PALLD: variants seen among roughly 807,000 people sequenced by gnomAD.
The protein encoded by PALLD is palladin, cytoskeletal associated protein, also known as palladin.
A neutral mutation model predicts 123.5 loss-of-function variants in PALLD; 61 were observed. The observed-to-expected ratio is 0.49, with a 90% CI of 0.40 to 0.61. The LOEUF (loss-of-function observed/expected upper bound fraction) is 0.61. Among genes scored for constraint, PALLD ranks in the 20% least tolerant of loss-of-function variants. The pLI is 0.00. For synonymous variants in PALLD, 465 were observed against 496.4 expected (o/e 0.94, Z 0.84); for missense variants, 1,273 against 1,377.0 (o/e 0.92, Z 1.20).
rs1474879647 is a variant in PALLD, at chr4:168,705,160, C to A, written c.1502-3868C>A. Among the ~76,000 whole-genome samples the A allele has an allele frequency of 3.3e-5, 5 of 152,154 alleles. No individual in the cohort carries two copies. In the East Asian group the frequency reaches 9.6e-4, roughly 29 times the overall value. ...GAGAAGGAGGGCTTAAAAAACTATA[C>A]CATTGTCATGTGGGCATTAAGAGTG... On this transcript the variant is annotated intron_variant, in intron 8 of 21. Transcript: ENST00000505667.
chr4:168,623,791 A>T (rs1580632683), intron 2 of PALLD, among the ~76,000 whole-genome samples: 1 of 152,372 alleles, frequency 6.6e-6, no homozygotes, highest in Non-Finnish European at 1.5e-5. Flanking sequence ...AGTGAAACTC[A>T]AAATGAGGCT....
At chr4:168,873,161 A>G (rs1340405044) in intron 10 of PALLD, among the ~76,000 whole-genome samples, 1 of 152,236 alleles carries the variant, frequency 6.6e-6, no homozygotes, top group Admixed American at 6.5e-5. Flanking sequence ...AATGGGGTAC[A>G]GAATTGCAGT....
At chr4:168,500,129 C>T (rs1450909100) in intron 1 of PALLD, among the ~76,000 whole-genome samples, 2 of 152,184 alleles carry the variant, frequency 1.3e-5, no homozygotes, top group African/African-American at 4.8e-5. Context: ...ACATCTACTA[C>T]ATGGATTGTT....
intron 15 of PALLD, among the ~76,000 whole-genome samples, chr4:168,912,741 C>T (rs1261400695): frequency 6.6e-6 from 1 of 152,034 alleles, no homozygotes; most frequent in Non-Finnish European, 1.5e-5. Context: ...ACTCAAAATC[C>T]ACTCTTCCAG....
In PALLD at chr4:168,581,187, G is replaced by A. The variant is rs1349499153; in HGVS notation, c.908+68775G>A. ...CTTAGGTTGTTTCCAAATCTTGGCT[G>A]TTGTAGATAACACTACCATGAACGT... On this transcript the variant is annotated intron_variant, in intron 2 of 21. Transcript: ENST00000505667. 2.6e-5 allele frequency among the ~76,000 whole-genome samples: 4 copies of A among 152,120 alleles called. No individual in the cohort carries two copies. The East Asian group carries it at 7.7e-4, about 29-fold the overall frequency.
chr4:168,889,309 G>A (rs751349656), intron 10 of PALLD, among the ~76,000 whole-genome samples: 1 of 151,252 alleles, frequency 6.6e-6, no homozygotes, highest in Non-Finnish European at 1.5e-5. Context: ...GACTACAGGC[G>A]CCCACCACCA....
In PALLD at chr4:168,927,627, A is replaced by C; in HGVS notation, c.*1447A>C. On this transcript the variant is annotated 3_prime_UTR_variant, in exon 22 of 22. Coordinates refer to ENST00000505667, the MANE Select transcript of PALLD (RefSeq NM_001166108.2). Reference sequence around the variant, plus strand: ...CAAAGACACCAAGATGTGGTAAATGAAAATTATTAGTTCACTTCCCTGCTG... The same window carrying C: ...CAAAGACACCAAGATGTGGTAAATGCAAATTATTAGTTCACTTCCCTGCTG... The C allele has an allele frequency of 4.4e-6, 1 of 227,580 alleles. No homozygotes were observed. The highest frequency in any genetic ancestry group is 8.8e-6 in the Non-Finnish European group (1 of 114,270). The allele number at this position is 227,580 out of a possible 1,614,324, so 14.1% of individuals were successfully genotyped here.
At chr4:168,646,113 C>A (rs1777422647) in intron 2 of PALLD, among the ~76,000 whole-genome samples, 1 of 152,192 alleles carries the variant, frequency 6.6e-6, no homozygotes, top group African/African-American at 2.4e-5. Flanking sequence ...GGGATGGCAG[C>A]ATGCAGCATC....
chr4:168,888,405 C>G (rs529105984), intron 10 of PALLD, among the ~76,000 whole-genome samples: 3 of 152,114 alleles, frequency 2.0e-5, no homozygotes, highest in Non-Finnish European at 4.4e-5. Context: ...TAGGGTAGTT[C>G]CATGGTAGGT....
At chr4:168,856,583 T>G (rs1459165073) in intron 10 of PALLD, among the ~76,000 whole-genome samples, 1 of 152,230 alleles carries the variant, frequency 6.6e-6, no homozygotes, top group African/African-American at 2.4e-5. Context: ...GGTTTGCATT[T>G]CTCTGATGAT....
chr4:168,821,595 G>A (rs747841328), intron 10 of PALLD, among the ~76,000 whole-genome samples: 1 of 152,048 alleles, frequency 6.6e-6, no homozygotes, highest in East Asian at 1.9e-4. Flanking sequence ...GAAGTTTTAG[G>A]CCAGGTGCAG....
At chr4:168,544,404 T>G (rs1268761427) in intron 2 of PALLD, among the ~76,000 whole-genome samples, 1 of 152,264 alleles carries the variant, frequency 6.6e-6, no homozygotes, top group Non-Finnish European at 1.5e-5. Context: ...ATGGTCCTGG[T>G]AATTCTTGAG....
chr4:168,804,618 G>T (rs2150702054), intron 10 of PALLD, among the ~76,000 whole-genome samples: 1 of 152,294 alleles, frequency 6.6e-6, no homozygotes, highest in South Asian at 2.1e-4. Flanking sequence ...TTAAACAGTT[G>T]CAAAGACCTA....
At chr4:168,899,937 G>C (rs1054605964) in intron 14 of PALLD, among the ~76,000 whole-genome samples, 2 of 151,382 alleles carry the variant, frequency 1.3e-5, no homozygotes, top group African/African-American at 4.9e-5. Flanking sequence ...AAAAAGAAAA[G>C]AAAATAGGCT....
At chr4:168,723,646 C>T (rs973459715) in intron 10 of PALLD, among the ~76,000 whole-genome samples, 25 of 152,168 alleles carry the variant, frequency 1.6e-4, no homozygotes, top group African/African-American at 1.2e-4. Context: ...TGTCAGCATT[C>T]CTACTGTGTT....
At chr4:168,727,484 CAT>C (rs1181265498) in intron 10 of PALLD, among the ~76,000 whole-genome samples, 6 of 152,036 alleles carry the variant, frequency 3.9e-5, no homozygotes, top group Non-Finnish European at 7.4e-5. Context: ...AGCATTTTTT[CAT>C]ATGTTTGTTG....
chr4:168,621,506 C>T (rs1349634102), intron 2 of PALLD, among the ~76,000 whole-genome samples: 2 of 152,200 alleles, frequency 1.3e-5, no homozygotes. Flanking sequence ...CTCCTTCCAC[C>T]ACCCCAGTCT....
At chr4:168,672,822 A>T (rs1275126945) in intron 3 of PALLD, among the ~76,000 whole-genome samples, 1 of 152,160 alleles carries the variant, frequency 6.6e-6, no homozygotes, top group Non-Finnish European at 1.5e-5. Context: ...AAAACTAAAA[A>T]TCACCCTATT....
In PALLD at chr4:168,782,516, G is replaced by C. The variant is rs145320549; in HGVS notation, c.1964+70593G>C. Among the ~76,000 whole-genome samples the C allele has an allele frequency of 3.5e-3, 528 of 152,270 alleles. 11 individuals are homozygous for C. Among genetic ancestry groups the C allele is most frequent in the Admixed American group, 0.029 (447 of 15,292 alleles). On this transcript the variant is annotated intron_variant, in intron 10 of 21. Coordinates refer to ENST00000505667, the MANE Select transcript of PALLD (RefSeq NM_001166108.2). ...CCAAATAAATATTTTAGGCTTAGAAGGCCATATGGACTCTATAATAGGTAT... is the reference window on the plus strand; with the variant it reads ...CCAAATAAATATTTTAGGCTTAGAACGCCATATGGACTCTATAATAGGTAT...
Sources: gnomAD v4.1 joint callset for allele counts (sites outside exome capture counted in the v4.1 genomes callset) on GRCh38, gnomAD v4.1.1 for gene constraint, MANE v1.5 for transcripts, NCBI Gene and HGNC (gene_info 2026-07-23, HGNC 2026-07-21) for gene names.